Variants in CSMD1 observed in about 807,000 individuals in gnomAD.
CSMD1 encodes CUB and sushi domain-containing protein 1.
Under a neutral mutation model 417.5 loss-of-function variants are expected in CSMD1, and 213 were observed. The ratio of observed to expected loss-of-function variants is 0.51; its 90% CI spans 0.46 to 0.57. The LOEUF (loss-of-function observed/expected upper bound fraction) is 0.57, where lower values mean the gene tolerates loss of function less well. Among genes scored for constraint, CSMD1 ranks in the 20% least tolerant of loss-of-function variants. The probability of loss-of-function intolerance (pLI) is 0.00; values close to 1 mark genes in which losing one functional copy is unlikely to be tolerated. For synonymous variants in CSMD1, 2,862 were observed against 1,736.8 expected, an observed-to-expected ratio of 1.65 and a Z score of -16.11; for missense variants, 6,923 against 4,529.7, an observed-to-expected ratio of 1.53 and a Z score of -15.17.
Position 4,282,872 on chromosome 8 carries a change from A to G in CSMD1, c.415+137081T>C, listed in dbSNP as rs150661487. On this transcript the variant is annotated intron_variant, in intron 3 of 69. Transcript: ENST00000635120. ...CAAACGTTCATTTTCTAAAGATCAT[A>G]ATTATATTTTACATTAATGGTTGAA... is the stretch of plus-strand genomic sequence containing the variant. Among the ~76,000 whole-genome samples the G allele has an allele frequency of 6.1e-3, 936 of 152,280 alleles. 8 individuals carry two copies. The highest frequency in any genetic ancestry group is 0.019 in the African/African-American group (809 of 41,550).
chr8:4,344,376 C>G (rs567559442), intron 3 of CSMD1, among the ~76,000 whole-genome samples: 3 of 152,020 alleles, frequency 2.0e-5, no homozygotes, highest in African/African-American at 7.2e-5. Flanking sequence ...TACTCCCATA[C>G]GCTCAAGCTC....
At chr8:4,855,665 C>G (rs550597324) in intron 1 of CSMD1, among the ~76,000 whole-genome samples, 3 of 151,790 alleles carry the variant, frequency 2.0e-5, no homozygotes, top group African/African-American at 7.3e-5. Context: ...AGGGTATCAG[C>G]GATGGAAGAT....
rs538509796 is a variant in CSMD1 at position 4,293,855 on chromosome 8, A to G, written c.415+126098T>C. On this transcript the variant is annotated intron_variant, in intron 3 of 69. Coordinates refer to ENST00000635120, the MANE Select transcript of CSMD1 (RefSeq NM_033225.6). ...ATTCAGTGTCCAAAGCTGTTCTACT[A>G]GTTTTTGACTCAGTGGTGAGACCAG... Among the ~76,000 whole-genome samples, 208 of 152,310 alleles carry G rather than the reference A, an allele frequency of 1.4e-3. 2 individuals carry two copies. Among genetic ancestry groups the G allele is most frequent in the African/African-American group, 4.9e-3 (205 of 41,570 alleles).
chr8:3,381,468 T>C (rs944079757), intron 18 of CSMD1, among the ~76,000 whole-genome samples: 7 of 152,176 alleles, frequency 4.6e-5, no homozygotes, highest in Admixed American at 4.6e-4. Flanking sequence ...GGTAATTTAA[T>C]AAAACATCAA....
At chr8:3,340,583 C>T (rs1484887724) in intron 23 of CSMD1, among the ~76,000 whole-genome samples, 3 of 152,118 alleles carry the variant, frequency 2.0e-5, no homozygotes, top group Non-Finnish European at 4.4e-5. Context: ...GCATAAATAA[C>T]TTGCGTAAAA....
intron 3 of CSMD1, among the ~76,000 whole-genome samples, chr8:4,304,131 T>C (rs1038781973): frequency 6.6e-6 from 1 of 152,176 alleles, no homozygotes; most frequent in Non-Finnish European, 1.5e-5. Context: ...TAGGCTACTA[T>C]TTGAATTTTC....
chr8:4,364,347 T>C (rs978221927), intron 3 of CSMD1, among the ~76,000 whole-genome samples: 2 of 152,190 alleles, frequency 1.3e-5, no homozygotes, highest in African/African-American at 2.4e-5. Flanking sequence ...AGAGAAATCT[T>C]ACCTAAGAAA....
At chr8:3,683,869 A>G (rs1302789734) in intron 7 of CSMD1, among the ~76,000 whole-genome samples, 2 of 152,016 alleles carry the variant, frequency 1.3e-5, no homozygotes, top group Non-Finnish European at 2.9e-5. Flanking sequence ...TTAAGCTCGC[A>G]GTTTGCTTAT....
intron 5 of CSMD1, among the ~76,000 whole-genome samples, chr8:3,842,406 A>C (rs1803198147): frequency 6.6e-6 from 1 of 152,170 alleles, no homozygotes; most frequent in Non-Finnish European, 1.5e-5. Context: ...TTGGCTGTGC[A>C]TGTCTTATAG....
At chr8:4,558,743 C>A (rs1176993731) in intron 2 of CSMD1, among the ~76,000 whole-genome samples, 2 of 152,136 alleles carry the variant, frequency 1.3e-5, no homozygotes, top group African/African-American at 2.4e-5. Flanking sequence ...GTGGTGGCGC[C>A]TGTAATCCCA....
intron 27 of CSMD1, among the ~76,000 whole-genome samples, chr8:3,229,075 G>C (rs1431362775): frequency 1.3e-5 from 2 of 152,080 alleles, no homozygotes; most frequent in African/African-American, 4.8e-5. Flanking sequence ...TTTGTCATAA[G>C]TAGGAGCGCC....
chr8:3,230,375 CT>C (rs1563164857), intron 26 of CSMD1, 144 bp from the exon 27 acceptor site: 4 of 526,240 alleles, frequency 7.6e-6, no homozygotes, highest in Admixed American at 3.9e-5. Flanking sequence ...AAAATAGTTT[CT>C]TTTCCCAGGG....
intron 26 of CSMD1, among the ~76,000 whole-genome samples, chr8:3,275,543 G>C (rs912495480): frequency 6.6e-6 from 1 of 152,082 alleles, no homozygotes; most frequent in Non-Finnish European, 1.5e-5. Context: ...TGGTTCCATT[G>C]TCCCTGTCTC....
intron 3 of CSMD1, among the ~76,000 whole-genome samples, chr8:4,332,285 A>G (rs1034509598): frequency 2.6e-5 from 4 of 152,252 alleles, no homozygotes; most frequent in African/African-American, 9.6e-5. Flanking sequence ...GCTGTGCTCC[A>G]AGCCTCTCTT....
chr8:4,455,785 G>T (rs572174552), intron 2 of CSMD1, among the ~76,000 whole-genome samples: 2 of 150,972 alleles, frequency 1.3e-5, no homozygotes, highest in Non-Finnish European at 3.0e-5. Context: ...ACAAAAATTC[G>T]CTGGATGTGG....
At chr8:3,323,538 CA>C (rs1383588612) in intron 23 of CSMD1, among the ~76,000 whole-genome samples, 1 of 151,708 alleles carries the variant, frequency 6.6e-6, no homozygotes, top group Non-Finnish European at 1.5e-5. Context: ...CTAAAACCAT[CA>C]AAAGAAAACT....
At chr8:3,433,888 G>C (rs562080242) in intron 12 of CSMD1, among the ~76,000 whole-genome samples, 1 of 152,322 alleles carries the variant, frequency 6.6e-6, no homozygotes, top group Non-Finnish European at 1.5e-5. Flanking sequence ...TTCTGGTTAA[G>C]TCAGCTAGAA....
intron 3 of CSMD1, among the ~76,000 whole-genome samples, chr8:4,314,827 T>C (rs1798827104): frequency 6.6e-6 from 1 of 152,116 alleles, no homozygotes; most frequent in African/African-American, 2.4e-5. Context: ...GGGCAAAGGA[T>C]TTTGTAAGAG....
chr8:4,113,926 T>A (rs767000634), intron 3 of CSMD1, among the ~76,000 whole-genome samples: 2 of 152,176 alleles, frequency 1.3e-5, no homozygotes, highest in Non-Finnish European at 2.9e-5. Flanking sequence ...AGAGACTGGT[T>A]CATAAGATTT....
Sources: gnomAD v4.1 joint callset for allele counts (sites outside exome capture counted in the v4.1 genomes callset) on GRCh38, gnomAD v4.1.1 for gene constraint, MANE v1.5 for transcripts, NCBI Gene and HGNC (gene_info 2026-07-23, HGNC 2026-07-21) for gene names.